Variants in PCSK6 observed in about 807,000 individuals in gnomAD.
PCSK6 encodes the protein proprotein convertase subtilisin/kexin type 6, also known as paired basic amino acid cleaving enzyme 4.
PCSK6 carries 85 observed loss-of-function variants against 123.3 expected under a neutral mutation model. The ratio of observed to expected loss-of-function variants is 0.69; its 90% confidence interval spans 0.58 to 0.83. The LOEUF (loss-of-function observed/expected upper bound fraction) is 0.83, where lower values mean the gene tolerates loss of function less well. Among genes scored for constraint, PCSK6 ranks in the 40% least tolerant of loss-of-function variants. The pLI, the probability that PCSK6 is intolerant of heterozygous loss-of-function variation, is 0.00. For missense variants in PCSK6, 1,191 were observed against 1,282.3 expected, an observed-to-expected ratio of 0.93 and a Z score of 1.09; for synonymous variants, 508 against 516.0, an observed-to-expected ratio of 0.98 and a Z score of 0.21.
chr15:101,336,751 T>G (rs2040487438), intron 13 of PCSK6: 1 of 152,222 alleles, frequency 6.6e-6, no homozygotes, highest in African/African-American at 2.4e-5. Flanking sequence ...ATGGTTTGTA[T>G]TTTTGTTCTT....
intron 20 of PCSK6, among the ~76,000 whole-genome samples, chr15:101,309,985 G>A (rs189551590): frequency 6.6e-6 from 1 of 152,350 alleles, no homozygotes; most frequent in Admixed American, 6.5e-5. Flanking sequence ...TGACCTGCAT[G>A]TTCCAACGCA....
intron 6 of PCSK6, among the ~76,000 whole-genome samples, chr15:101,407,760 T>C (rs746022837): frequency 6.6e-6 from 1 of 152,236 alleles, no homozygotes; most frequent in East Asian, 1.9e-4. Context: ...CTTCTCTGTG[T>C]GGCCCCACAT....
intron 1 of PCSK6, among the ~76,000 whole-genome samples, chr15:101,459,990 G>A (rs2057303262): frequency 6.6e-6 from 1 of 152,218 alleles, no homozygotes; most frequent in Non-Finnish European, 1.5e-5. Flanking sequence ...GGAGAGAGAT[G>A]TGCGTTAGGT....
chr15:101,453,841 C>T (rs1030000633), intron 1 of PCSK6, among the ~76,000 whole-genome samples: 13 of 152,208 alleles, frequency 8.5e-5, no homozygotes, highest in African/African-American at 2.9e-4. Context: ...GGCTCCGGTA[C>T]GAGTCCAGGT....
At chr15:101,483,033 A>G (rs1240351131) in intron 1 of PCSK6, among the ~76,000 whole-genome samples, 1 of 152,208 alleles carries the variant, frequency 6.6e-6, no homozygotes, top group Non-Finnish European at 1.5e-5. Flanking sequence ...AATGAGCTTC[A>G]CAACCCTCAT....
intron 11 of PCSK6, among the ~76,000 whole-genome samples, chr15:101,374,542 A>G (rs1319851028): frequency 6.6e-6 from 1 of 152,082 alleles, no homozygotes; most frequent in Non-Finnish European, 1.5e-5. Flanking sequence ...CACTGGGCCC[A>G]TGAATGTTCT....
At chr15:101,424,740 A>G (rs2056197371) in intron 6 of PCSK6, among the ~76,000 whole-genome samples, 1 of 152,270 alleles carries the variant, frequency 6.6e-6, no homozygotes, top group Non-Finnish European at 1.5e-5. Context: ...AACAGCACAA[A>G]CAATGACAGT....
Position 101,489,691 on chromosome 15 carries a change from G to T in PCSK6, c.-21C>A, listed in dbSNP as rs1334016752. 3.1e-6 allele frequency: 3 copies of T among 966,380 alleles called. No homozygotes were observed. Among genetic ancestry groups the T allele is most frequent in the Non-Finnish European group, 3.7e-6 (3 of 815,604 alleles). 59.9% of individuals were successfully genotyped at this position (966,380 alleles called of 1,614,324 possible). ...GGCATAGCGGCGACAGGCTCGCGCGGCGCCCGAGCTGCGAGTGCGCCGGGG... is the reference window on the plus strand; with the variant it reads ...GGCATAGCGGCGACAGGCTCGCGCGTCGCCCGAGCTGCGAGTGCGCCGGGG... On this transcript the variant is annotated 5_prime_UTR_variant, in exon 1 of 22. Transcript: ENST00000611716.
intron 2 of PCSK6, among the ~76,000 whole-genome samples, chr15:101,436,020 G>A (rs1043915410): frequency 6.6e-6 from 1 of 152,206 alleles, no homozygotes; most frequent in African/African-American, 2.4e-5. Flanking sequence ...GGTGTGACAA[G>A]CGACAGGGGA....
At position 101,439,211 on chromosome 15, in the gene PCSK6, A is replaced by G. The variant is rs188235444; in HGVS notation, c.402+4345T>C. On this transcript the variant is annotated intron_variant, in intron 2 of 21. Transcript: ENST00000611716. ...GGGAAGGAGAGGCCGCTGGCACTGC[A>G]GTGGAATGCGGATGAGCGCTTCCCT... 6.6e-5 allele frequency among the ~76,000 whole-genome samples: 10 copies of G among 152,368 alleles called. 1 individual carries two copies. In the East Asian group the frequency reaches 1.9e-3, roughly 29 times the overall value.
intron 6 of PCSK6, among the ~76,000 whole-genome samples, chr15:101,406,232 G>A (rs1596301771): frequency 6.7e-6 from 1 of 148,488 alleles, no homozygotes; most frequent in East Asian, 2.0e-4. Context: ...ACACACACAC[G>A]CACACATGCA....
intron 13 of PCSK6, chr15:101,336,631 C>A (rs530296455): frequency 1.3e-5 from 2 of 152,280 alleles, no homozygotes; most frequent in South Asian, 4.1e-4. Context: ...TGTAAATTTA[C>A]CAAAGATATT....
At chr15:101,313,011 A>T (rs1366251570) in intron 20 of PCSK6, 6 of 1,172,396 alleles carry the variant, frequency 5.1e-6, no homozygotes, top group Non-Finnish European at 6.4e-6. Context: ...TCTCCAAAAA[A>T]ATTTTTTTTT....
intron 10 of PCSK6, among the ~76,000 whole-genome samples, chr15:101,382,478 G>A (rs74032813): frequency 0.068 from 10,291 of 152,296 alleles, 406 homozygotes; most frequent in South Asian, 0.15. Flanking sequence ...GAAGTGCTGA[G>A]AAGGTCTAGG....
chr15:101,377,134 G>A (rs1285979869), intron 11 of PCSK6, among the ~76,000 whole-genome samples: 1 of 152,268 alleles, frequency 6.6e-6, no homozygotes, highest in Non-Finnish European at 1.5e-5. Flanking sequence ...CCACCAGGCC[G>A]CTGGGCTCCT....
Position 101,464,220 on chromosome 15 carries a change from A to T in PCSK6, c.298-20560T>A, listed in dbSNP as rs1250998277. On this transcript the variant is annotated intron_variant, in intron 1 of 21. Coordinates refer to ENST00000611716, the MANE Select transcript of PCSK6 (RefSeq NM_002570.5). ...CACAGACTCACCCACATCCTGCGCC[A>T]CCTGGGCCCATAAAACAAGGCAGAC... Among the ~76,000 whole-genome samples, 3 of 152,044 alleles carry T rather than the reference A, an allele frequency of 2.0e-5. No individual in the cohort carries two copies. The East Asian group carries it at 5.8e-4, about 29-fold the overall frequency.
chr15:101,391,348 G>C (rs1275163311), intron 8 of PCSK6, among the ~76,000 whole-genome samples: 1 of 152,194 alleles, frequency 6.6e-6, no homozygotes, highest in African/African-American at 2.4e-5. Flanking sequence ...AGGAGGCCAC[G>C]CTCCCAAGAG....
chr15:101,421,771 T>C (rs2056092291), intron 6 of PCSK6, among the ~76,000 whole-genome samples: 1 of 152,248 alleles, frequency 6.6e-6, no homozygotes, highest in Non-Finnish European at 1.5e-5. Flanking sequence ...GCAAAGCCAC[T>C]ATCTGTGCTG....
chr15:101,469,628 T>C (rs1352912928), intron 1 of PCSK6, among the ~76,000 whole-genome samples: 1 of 152,110 alleles, frequency 6.6e-6, no homozygotes, highest in Non-Finnish European at 1.5e-5. Flanking sequence ...TGAGCAGGGG[T>C]GTCCACACGC....
Sources: gnomAD v4.1 joint callset for allele counts (sites outside exome capture counted in the v4.1 genomes callset) on GRCh38, gnomAD v4.1.1 for gene constraint, MANE v1.5 for transcripts, NCBI Gene and HGNC (gene_info 2026-07-23, HGNC 2026-07-21) for gene names.